The following SRGAP1 variants were observed in gnomAD, a reference collection of about 807,000 sequenced individuals.
SRGAP1 encodes SLIT-ROBO Rho GTPase-activating protein 1.
In SRGAP1, 43 loss-of-function variants were observed where a neutral mutation model predicts 121.9. That is an observed-to-expected ratio of 0.35 (90% CI 0.28 to 0.46). The LOEUF (loss-of-function observed/expected upper bound fraction) is 0.46, where lower values mean the gene tolerates loss of function less well. Among genes scored for constraint, SRGAP1 ranks in the 20% least tolerant of loss-of-function variants. The probability of loss-of-function intolerance (pLI) is 1.00; values close to 1 mark genes in which losing one functional copy is unlikely to be tolerated. For missense variants in SRGAP1, 1,102 were observed against 1,350.9 expected, an observed-to-expected ratio of 0.82 and a Z score of 2.89; for synonymous variants, 447 against 485.4, an observed-to-expected ratio of 0.92 and a Z score of 1.04.
At chr12:64,095,305 T>A in intron 14 of SRGAP1, 101 bp downstream of exon 14, 1 of 1,006,358 alleles carries the variant, frequency 9.9e-7, no homozygotes. Flanking sequence ...AAAACCTTTC[T>A]TTGTATGTAC....
intron 18 of SRGAP1, 81 bp from the exon 19 acceptor site, chr12:64,125,896 C>A: frequency 7.1e-7 from 1 of 1,404,492 alleles, no homozygotes; most frequent in Non-Finnish European, 9.7e-7. Flanking sequence ...TCATTTGAAG[C>A]CTCATAGAGC....
chr12:64,075,266 T>C (rs1416712591), intron 8 of SRGAP1, among the ~76,000 whole-genome samples: 1 of 152,252 alleles, frequency 6.6e-6, no homozygotes, highest in Non-Finnish European at 1.5e-5. Context: ...AGGAATAGGT[T>C]GGGCTAGTTA....
chr12:63,871,826 T>A (rs1012908545), intron 1 of SRGAP1: 2 of 1,401,648 alleles, frequency 1.4e-6, no homozygotes, highest in Non-Finnish European at 2.0e-6. Context: ...TCCTCTTGGA[T>A]CTGCAGTTAG....
intron 8 of SRGAP1, 72 bp from the exon 9 acceptor site, chr12:64,078,847 A>C: frequency 6.6e-7 from 1 of 1,507,778 alleles, no homozygotes; most frequent in Non-Finnish European, 9.0e-7. Flanking sequence ...TCTACCTGAC[A>C]GAGTGGACTC....
intron 15 of SRGAP1, among the ~76,000 whole-genome samples, chr12:64,107,837 T>C (rs1300109185): frequency 6.6e-6 from 1 of 152,186 alleles, no homozygotes; most frequent in African/African-American, 2.4e-5. Flanking sequence ...AATGTATGCT[T>C]ATTGGGTATC....
At chr12:63,873,789 C>T (rs957133890) in intron 1 of SRGAP1, among the ~76,000 whole-genome samples, 8 of 151,986 alleles carry the variant, frequency 5.3e-5, no homozygotes, top group African/African-American at 1.9e-4. Flanking sequence ...CTGCCTTAGC[C>T]TCCTGAGTAG....
chr12:63,901,607 C>A (rs2029933028), intron 1 of SRGAP1, among the ~76,000 whole-genome samples: 1 of 152,208 alleles, frequency 6.6e-6, no homozygotes, highest in Admixed American at 6.5e-5. Flanking sequence ...AGCCCTTAAT[C>A]ACATATTGTT....
intron 1 of SRGAP1, among the ~76,000 whole-genome samples, chr12:63,849,192 A>C (rs1263321566): frequency 6.6e-6 from 1 of 152,240 alleles, no homozygotes; most frequent in African/African-American, 2.4e-5. Context: ...AACCCAAACC[A>C]GTTGACTATG....
chr12:63,904,917 G>C lies in SRGAP1; in HGVS notation c.67+60034G>C, dbSNP rs139615004. On this transcript the variant is annotated intron_variant, in intron 1 of 21. Transcript: ENST00000355086. ...TCACTGCACTCCAGCCTGAGTGACA[G>C]AGCAGGACCCTGTCTAACAAAACAA... is the stretch of plus-strand genomic sequence containing the variant. 7.9e-5 allele frequency among the ~76,000 whole-genome samples: 12 copies of C among 152,256 alleles called. No homozygotes were observed. The East Asian group carries it at 2.3e-3, about 29-fold the overall frequency.
chr12:64,126,803 C>T (rs532012521), intron 19 of SRGAP1, among the ~76,000 whole-genome samples: 11 of 151,742 alleles, frequency 7.2e-5, no homozygotes, highest in African/African-American at 2.7e-4. Context: ...TATATGCAGA[C>T]ATGTAGTCAT....
chr12:63,881,151 A>T (rs189084371), intron 1 of SRGAP1, among the ~76,000 whole-genome samples: 54 of 152,310 alleles, frequency 3.5e-4, no homozygotes, highest in Non-Finnish European at 6.8e-4. Flanking sequence ...TGAGCTCTTG[A>T]TATTATAGAT....
chr12:64,064,376 T>C (rs1217369430), intron 7 of SRGAP1, among the ~76,000 whole-genome samples: 1 of 152,218 alleles, frequency 6.6e-6, no homozygotes, highest in Non-Finnish European at 1.5e-5. Context: ...TTTGAACTTA[T>C]CCATAATTGA....
At chr12:64,084,680 A>G (rs2035907643) in intron 10 of SRGAP1, among the ~76,000 whole-genome samples, 1 of 152,142 alleles carries the variant, frequency 6.6e-6, no homozygotes, top group African/African-American at 2.4e-5. Context: ...ACTATTAACT[A>G]TGGATGGATG....
chr12:63,952,622 C>G (rs962393461), intron 1 of SRGAP1, among the ~76,000 whole-genome samples: 3 of 152,096 alleles, frequency 2.0e-5, no homozygotes, highest in Admixed American at 1.3e-4. Context: ...TTTGACACAC[C>G]AAATAGAAGT....
intron 6 of SRGAP1, among the ~76,000 whole-genome samples, chr12:64,045,219 G>C (rs1443922579): frequency 6.6e-6 from 1 of 151,832 alleles, no homozygotes; most frequent in African/African-American, 2.4e-5. Flanking sequence ...GAAATAAAAC[G>C]AACTTTTTCT....
chr12:64,037,303 T>G (rs2034923736), intron 4 of SRGAP1, among the ~76,000 whole-genome samples: 1 of 152,154 alleles, frequency 6.6e-6, no homozygotes, highest in Non-Finnish European at 1.5e-5. Context: ...AACTCCATGG[T>G]AGAGGGAATC....
chr12:64,063,537 GA>G (rs575055538), intron 7 of SRGAP1, among the ~76,000 whole-genome samples: 66 of 151,712 alleles, frequency 4.4e-4, no homozygotes, highest in African/African-American at 1.5e-3. Context: ...ATGGAAGAAG[GA>G]AAAAAAAGTA....
At position 64,072,152 on chromosome 12, in the gene SRGAP1, G is replaced by A. The variant is rs184209680; in HGVS notation, c.1126-6767G>A. 9.9e-5 allele frequency among the ~76,000 whole-genome samples: 5 copies of A among 50,434 alleles called. 1 individual carries two copies. The highest frequency in any genetic ancestry group is 6.5e-4 in the East Asian group (1 of 1,530). 33.1% of individuals were successfully genotyped at this position (50,434 alleles called of 152,430 possible). ...TGTGTGTGTGTGTGTGTGTGTGGGC[G>A]GCGGGGGGGGGCTCTTTCTGCTAAT... On this transcript the variant is annotated intron_variant, in intron 8 of 21. Transcript: ENST00000355086.
chr12:63,845,465 TC>T (rs1203336197), intron 1 of SRGAP1, among the ~76,000 whole-genome samples: 3 of 152,174 alleles, frequency 2.0e-5, no homozygotes, highest in African/African-American at 7.2e-5. Context: ...ATCTGACTCT[TC>T]CTTTATAATG....
Sources: gnomAD v4.1 joint callset for allele counts (sites outside exome capture counted in the v4.1 genomes callset) on GRCh38, gnomAD v4.1.1 for gene constraint, MANE v1.5 for transcripts, NCBI Gene and HGNC (gene_info 2026-07-23, HGNC 2026-07-21) for gene names.